PASK: variants seen among roughly 807,000 people sequenced by gnomAD.
PASK encodes PAS domain containing serine/threonine kinase, also known as PAS domain-containing serine/threonine-protein kinase.
Under a neutral mutation model 121.0 loss-of-function variants are expected in PASK, and 110 were observed. That is an observed-to-expected ratio of 0.91 (90% CI 0.78 to 1.06). PASK has a LOEUF of 1.06. PASK is among the 50% of genes least tolerant of loss of function. The pLI is 0.00. For synonymous variants in PASK, 686 were observed against 717.8 expected, an observed-to-expected ratio of 0.96 and a Z score of 0.71; for missense variants, 1,643 against 1,702.3, an observed-to-expected ratio of 0.97 and a Z score of 0.61.
chr2:241,148,942 T>G (rs2067120957), intron 1 of PASK, among the ~76,000 whole-genome samples: 1 of 152,004 alleles, frequency 6.6e-6, no homozygotes, highest in Non-Finnish European at 1.5e-5. Context: ...GTCCAGGTCT[T>G]TGCTGTAACC....
intron 12 of PASK, among the ~76,000 whole-genome samples, chr2:241,118,238 G>A (rs1419192773): frequency 1.3e-5 from 2 of 150,376 alleles, no homozygotes; most frequent in Non-Finnish European, 3.0e-5. Flanking sequence ...AAAACACAAA[G>A]TTGAAGGACT....
chr2:241,118,316 G>A (rs771107261), intron 12 of PASK, among the ~76,000 whole-genome samples: 3 of 151,786 alleles, frequency 2.0e-5, no homozygotes, highest in Admixed American at 1.3e-4. Flanking sequence ...CTGGCTTAAG[G>A]ACACACTTAA....
chr2:241,146,419 T>C (rs2066958207), intron 1 of PASK, among the ~76,000 whole-genome samples: 1 of 151,706 alleles, frequency 6.6e-6, no homozygotes, highest in African/African-American at 2.4e-5. Context: ...TGGTTCTCAA[T>C]GGCAAAGAGA....
Position 241,124,000 on chromosome 2 carries a change from G to A in PASK, c.2853C>T (p.Pro951=), listed in dbSNP as rs567137593. ...ARTRLFLASL[P]GSTHSTAAEL... is the part of the protein sequence containing the mutation. Reference sequence around the variant, plus strand: ...CAGCAGCGGTAGAGTGGGTGGAGCCGGGCAGGCTGGCAAGGAACAGGCGGG... The same window carrying A: ...CAGCAGCGGTAGAGTGGGTGGAGCCAGGCAGGCTGGCAAGGAACAGGCGGG... The change falls in exon 11 of 18, where the codon CCC becomes CCT. Residue 951 remains proline, a synonymous_variant. Transcript: ENST00000234040. 1.5e-5 allele frequency: 24 copies of A among 1,613,936 alleles called. No homozygotes were observed. Among genetic ancestry groups the A allele is most frequent in the African/African-American group, 5.3e-5 (4 of 75,018 alleles).
chr2:241,115,583 C>A (rs371851459), intron 12 of PASK, among the ~76,000 whole-genome samples, 170 bp from the exon 13 acceptor site: 244 of 119,030 alleles, frequency 2.0e-3, no homozygotes, highest in African/African-American at 8.6e-3. Context: ...TACACCAGGG[C>A]CACCCGGTCC....
upstream of PASK, chr2:241,149,584 C>A (rs1006896048): frequency 1.4e-5 from 20 of 1,448,324 alleles, no homozygotes; most frequent in Middle Eastern, 7.2e-4. Context: ...TAGAAGCCCG[C>A]GCTAAGGGTT....
intron 1 of PASK, among the ~76,000 whole-genome samples, chr2:241,146,613 T>TG (rs1171925606): frequency 6.6e-6 from 1 of 151,952 alleles, no homozygotes; most frequent in African/African-American, 2.4e-5. Flanking sequence ...CATATACGAG[T>TG]GGAAAAAATC....
At chr2:241,123,846 G>A in intron 11 of PASK, 103 bp downstream of exon 11, 2 of 903,612 alleles carry the variant, frequency 2.2e-6, no homozygotes, top group East Asian at 2.5e-5. Flanking sequence ...GCTACAAACA[G>A]ACTGTATTCC....
intron 12 of PASK, among the ~76,000 whole-genome samples, chr2:241,120,613 A>G (rs2065566581): frequency 6.6e-6 from 1 of 152,260 alleles, no homozygotes; most frequent in South Asian, 2.1e-4. Flanking sequence ...AATGCAAATC[A>G]TAACCACAGT....
intron 9 of PASK, among the ~76,000 whole-genome samples, chr2:241,129,632 G>A (rs925076859): frequency 6.6e-6 from 1 of 152,250 alleles, no homozygotes; most frequent in African/African-American, 2.4e-5. Flanking sequence ...TTGGCTAAGA[G>A]ATTGTGAAAC....
At chr2:241,129,401 G>C (rs920900463) in intron 9 of PASK, among the ~76,000 whole-genome samples, 1 of 152,108 alleles carries the variant, frequency 6.6e-6, no homozygotes, top group African/African-American at 2.4e-5. Context: ...AAAGTCATAT[G>C]ACCACTTGCT....
chr2:241,132,486 A>G (rs6741358), intron 9 of PASK, among the ~76,000 whole-genome samples: 127,239 of 143,484 alleles, frequency 0.89, 56,441 homozygotes, highest in East Asian at 0.93. Context: ...CTGAGATCGC[A>G]CCACTGCACT....
intron 11 of PASK, 92 bp from the exon 12 acceptor site, chr2:241,122,991 C>T (rs912190464): frequency 3.7e-5 from 48 of 1,288,354 alleles, no homozygotes; most frequent in Admixed American, 6.2e-5. Context: ...CTTCAGCAGC[C>T]GCCCGAGGCA....
rs11893543 is a variant in PASK, at chr2:241,119,759, C to T, written c.3072+2973G>A. Among the ~76,000 whole-genome samples the T allele has an allele frequency of 3.6e-3, 542 of 152,070 alleles. 3 individuals carry two copies. The highest frequency in any genetic ancestry group is 0.013 in the African/African-American group (519 of 41,424). ...TGCTGGGATTACAGGCATGAGCCAC[C>T]GCGCCCGGCCTGCAAGATGCTTCTT... is the stretch of plus-strand genomic sequence containing the variant. On this transcript the variant is annotated intron_variant, in intron 12 of 17. Transcript: ENST00000234040.
chr2:241,131,796 C>T (rs1302528868), intron 9 of PASK, among the ~76,000 whole-genome samples: 1 of 152,138 alleles, frequency 6.6e-6, no homozygotes, highest in Non-Finnish European at 1.5e-5. Context: ...TGGCTCACAC[C>T]TGTAATCCCA....
At chr2:241,148,414 C>G (rs1449455902) in intron 1 of PASK, among the ~76,000 whole-genome samples, 1 of 152,152 alleles carries the variant, frequency 6.6e-6, no homozygotes, top group Non-Finnish European at 1.5e-5. Flanking sequence ...ACAAGGTGAA[C>G]AGTGCAGTAG....
In PASK at chr2:241,128,276, G is replaced by A. The variant is rs562211774; in HGVS notation, c.1464-825C>T. 3.9e-4 allele frequency among the ~76,000 whole-genome samples: 60 copies of A among 152,270 alleles called. 1 individual carries two copies. Among genetic ancestry groups the A allele is most frequent in the South Asian group, 1.2e-3 (6 of 4,824 alleles). ...GAGATGGGTGACAGAGTGAGACTCC[G>A]TCTCAAACACAAACAAAAAAAGAAG... On this transcript the variant is annotated intron_variant, in intron 9 of 17. Coordinates refer to ENST00000234040, the MANE Select transcript of PASK (RefSeq NM_015148.4).
At chr2:241,132,460 TGCAA>T (rs1375297751) in intron 9 of PASK, among the ~76,000 whole-genome samples, 1 of 136,262 alleles carries the variant, frequency 7.3e-6, no homozygotes, top group Non-Finnish European at 1.5e-5. Context: ...GAGCTTGCAA[TGCAA>T]TGAGCAATGA....
At chr2:241,150,099 G>A (rs1045694181), upstream of PASK, 1 of 1,263,276 alleles carries the variant, frequency 7.9e-7, no homozygotes, top group Non-Finnish European at 1.0e-6. Flanking sequence ...GGAAAGATCC[G>A]CCTGGCCCGC....
Sources: allele counts gnomAD v4.1 joint callset (sites outside exome capture counted in the v4.1 genomes callset), GRCh38; gene constraint gnomAD v4.1.1; transcripts MANE v1.5; gene names NCBI Gene and HGNC (gene_info 2026-07-23, HGNC 2026-07-21).